Variants in GALNT18 observed in about 807,000 individuals in gnomAD.
GALNT18 encodes the protein GalNAc-transferase 18.
Under a neutral mutation model 69.5 loss-of-function variants are expected in GALNT18, and 44 were observed. The observed-to-expected ratio is 0.63, with a 90% CI of 0.50 to 0.81. GALNT18 has a LOEUF of 0.81. Ranked by LOEUF, GALNT18 falls within the 40% of genes least tolerant of loss-of-function variation. The pLI is 0.00. For synonymous variants in GALNT18, 364 were observed against 318.2 expected, an observed-to-expected ratio of 1.14 and a Z score of -1.53; for missense variants, 715 against 810.0, an observed-to-expected ratio of 0.88 and a Z score of 1.42.
chr11:11,556,221 C>T (rs993270790), intron 1 of GALNT18, among the ~76,000 whole-genome samples: 2 of 152,226 alleles, frequency 1.3e-5, no homozygotes, highest in East Asian at 1.9e-4. Flanking sequence ...CAAACTCTAT[C>T]GCTTGATTAA....
chr11:11,565,928 C>T (rs1238063395), intron 1 of GALNT18, among the ~76,000 whole-genome samples: 3 of 152,144 alleles, frequency 2.0e-5, no homozygotes, highest in South Asian at 2.1e-4. Context: ...CAAAGGAAAC[C>T]GCAGGAACAA....
chr11:11,594,923 G>GTA lies in GALNT18; in HGVS notation c.235+26434_235+26435dup, dbSNP rs1197152383. Among the ~76,000 whole-genome samples, 64 of 121,014 alleles carry GTA rather than the reference G, an allele frequency of 5.3e-4. 1 individual carries two copies. Among genetic ancestry groups the GTA allele is most frequent in the Middle Eastern group, 5.5e-3 (1 of 182 alleles). The allele number at this position is 121,014 out of a possible 152,430, so 79.4% of individuals were successfully genotyped here. A position where few individuals can be genotyped will look rare whatever the true frequency, so the allele number is the denominator to read the frequency against. On this transcript the variant is annotated intron_variant, in intron 1 of 10. Transcript: ENST00000227756. ...ACACAGATACAAAATATGCGTGTGT[G>GTA]TATATATATATATAATCTCCAAGAA...
rs562968760 is a variant in GALNT18 at position 11,337,176 on chromosome 11, C to T, written c.1278+3643G>A. Among the ~76,000 whole-genome samples the T allele has an allele frequency of 2.4e-4, 37 of 152,222 alleles. 1 individual carries two copies. The South Asian group carries it at 5.8e-3, about 24-fold the overall frequency. ...AGTATTTTTTTAAAAGTTCTTCAAGCGATTCTGATGCAGTTGGTCTGAAGA... is the reference window on the plus strand; with the variant it reads ...AGTATTTTTTTAAAAGTTCTTCAAGTGATTCTGATGCAGTTGGTCTGAAGA... On this transcript the variant is annotated intron_variant, in intron 7 of 10. Coordinates refer to ENST00000227756, the MANE Select transcript of GALNT18 (RefSeq NM_198516.3). This position sits in a 1 kb window ranked among gnomAD's most constrained non-coding sequence, Gnocchi z 4.9.
chr11:11,534,795 T>C, intron 1 of GALNT18, among the ~76,000 whole-genome samples: 1 of 152,366 alleles, frequency 6.6e-6, no homozygotes, highest in African/African-American at 2.4e-5. Flanking sequence ...CAGACACAAA[T>C]TTCTCCTGCC....
chr11:11,432,828 G>GT lies in GALNT18; in HGVS notation c.429-42_429-41insA. 6.3e-7 allele frequency: 1 copy of GT among 1,592,630 alleles called. No homozygotes were observed. On this transcript the variant is annotated intron_variant, in intron 2 of 10. Coordinates refer to ENST00000227756, the MANE Select transcript of GALNT18 (RefSeq NM_198516.3). This position sits in a 1 kb window ranked among gnomAD's most constrained non-coding sequence, Gnocchi z 5.8. The stretch of plus-strand genomic sequence containing the variant: ...AAGCGCTTAGATTTGTGACTCAGCT[G>GT]GAGTCATCTCAGGAGCTGACCCAGC...
In GALNT18 at chr11:11,315,030, C is replaced by T. The variant is rs1032530265; in HGVS notation, c.1512+12056G>A. Among the ~76,000 whole-genome samples the T allele has an allele frequency of 7.3e-6, 1 of 137,722 alleles. No homozygotes were observed. Among genetic ancestry groups the T allele is most frequent in the African/African-American group, 2.7e-5 (1 of 36,622 alleles). 90.4% of individuals were successfully genotyped at this position (137,722 alleles called of 152,430 possible). On this transcript the variant is annotated intron_variant, in intron 9 of 10. Coordinates refer to ENST00000227756, the MANE Select transcript of GALNT18 (RefSeq NM_198516.3). This position sits in a 1 kb window ranked among gnomAD's most constrained non-coding sequence, Gnocchi z 5.6. ...AGTGTCTAGCAGAGATGGACACATA[C>T]TAATTATATGTGTGTGTGTGTGTGT... is the stretch of plus-strand genomic sequence containing the variant.
chr11:11,456,470 C>T (rs140528661), intron 1 of GALNT18, among the ~76,000 whole-genome samples: 7 of 152,250 alleles, frequency 4.6e-5, no homozygotes, highest in African/African-American at 9.6e-5. Flanking sequence ...AAACAGCTGC[C>T]GCCTAAAATA....
chr11:11,520,615 C>T (rs372384515), intron 1 of GALNT18, among the ~76,000 whole-genome samples: 10 of 152,166 alleles, frequency 6.6e-5, no homozygotes, highest in South Asian at 2.1e-4. Flanking sequence ...GGCAGCAGGA[C>T]GCTGAGTAGG....
At chr11:11,504,497 G>A (rs1392480551) in intron 1 of GALNT18, among the ~76,000 whole-genome samples, 1 of 152,074 alleles carries the variant, frequency 6.6e-6, no homozygotes, top group East Asian at 1.9e-4. Flanking sequence ...TGGCTCATGT[G>A]TGTAATCCCT....
chr11:11,552,658 A>C (rs554829318), intron 1 of GALNT18, among the ~76,000 whole-genome samples: 53 of 152,288 alleles, frequency 3.5e-4, no homozygotes, highest in Non-Finnish European at 6.8e-4. Context: ...GCTCAACAGC[A>C]GGGGCATACT....
At chr11:11,300,755 A>T (rs944315096) in intron 9 of GALNT18, among the ~76,000 whole-genome samples, 3 of 152,182 alleles carry the variant, frequency 2.0e-5, no homozygotes, top group Non-Finnish European at 4.4e-5. Flanking sequence ...CAATCAAGCT[A>T]AGGCAGGGGT....
At chr11:11,317,756 T>G (rs1849781939) in intron 9 of GALNT18, among the ~76,000 whole-genome samples, 1 of 152,226 alleles carries the variant, frequency 6.6e-6, no homozygotes, top group Admixed American at 6.5e-5. Flanking sequence ...CAATTTTTGT[T>G]TTTTATTGCC....
rs376616600 is a variant in GALNT18, at chr11:11,286,084, C to CT, written c.1677+6944dup. Among the ~76,000 whole-genome samples, 94 of 152,228 alleles carry CT rather than the reference C, an allele frequency of 6.2e-4. 2 individuals are homozygous for CT. The East Asian group carries it at 0.017, about 27-fold the overall frequency. ...CTGAGAATGAAGCAAGCACAGGGGG[C>CT]TGGGGTGTGGTGTCTGCCCTGCATA... is the stretch of plus-strand genomic sequence containing the variant. On this transcript the variant is annotated intron_variant, in intron 10 of 10. Transcript: ENST00000227756.
intron 1 of GALNT18, among the ~76,000 whole-genome samples, chr11:11,570,825 G>C (rs1431618466): frequency 6.6e-6 from 1 of 152,220 alleles, no homozygotes; most frequent in Non-Finnish European, 1.5e-5. Context: ...TCAGCACACT[G>C]TTGAACAATG....
rs779095560 is a variant in GALNT18, at chr11:11,469,402, T to G, written c.236-20466A>C. 3.3e-5 allele frequency among the ~76,000 whole-genome samples: 5 copies of G among 152,162 alleles called. No individual in the cohort carries two copies. Among genetic ancestry groups the G allele is most frequent in the Non-Finnish European group, 5.9e-5 (4 of 68,028 alleles). ...CGTCAAGTTTGTTGTTATGGCTATG[T>G]CTTTTACAGGGTCCAGTACAGATCT... On this transcript the variant is annotated intron_variant, in intron 1 of 10. Coordinates refer to ENST00000227756, the MANE Select transcript of GALNT18 (RefSeq NM_198516.3). The surrounding 1 kb of genome is among the most constrained non-coding windows in gnomAD (Gnocchi z 4.2).
chr11:11,332,851 C>G lies in GALNT18; in HGVS notation c.1279-20G>C, dbSNP rs761381320. ...TGAGTCCTGCACAGGGACGCAGAAG[C>G]AGAGATGAAGCCACTCCCAGGTTGC... On this transcript the variant is annotated intron_variant, in intron 7 of 10. Transcript: ENST00000227756. This position sits in a 1 kb window ranked among gnomAD's most constrained non-coding sequence, Gnocchi z 4.3. The G allele has an allele frequency of 6.2e-7, 1 of 1,609,654 alleles. No homozygotes were observed. Among genetic ancestry groups the G allele is most frequent in the South Asian group, 1.1e-5 (1 of 91,002 alleles).
At chr11:11,312,861 G>C (rs950765247) in intron 9 of GALNT18, among the ~76,000 whole-genome samples, 10 of 152,312 alleles carry the variant, frequency 6.6e-5, no homozygotes, top group African/African-American at 2.4e-4. Context: ...CCCTGTGCCA[G>C]GCGGTGCACT....
chr11:11,276,261 T>A (rs919276121), intron 10 of GALNT18, among the ~76,000 whole-genome samples: 1 of 152,236 alleles, frequency 6.6e-6, no homozygotes, highest in Non-Finnish European at 1.5e-5. Context: ...CCTTGTAAGT[T>A]GGATTCCTAG....
intron 6 of GALNT18, among the ~76,000 whole-genome samples, chr11:11,344,990 T>C (rs935346637): frequency 6.6e-6 from 1 of 152,196 alleles, no homozygotes; most frequent in African/African-American, 2.4e-5. Flanking sequence ...TATTATTTCA[T>C]AATAATTTAA....
Sources: allele counts gnomAD v4.1 joint callset (sites outside exome capture counted in the v4.1 genomes callset), GRCh38; gene constraint gnomAD v4.1.1; non-coding constraint Gnocchi (gnomAD v3.1); transcripts MANE v1.5; gene names NCBI Gene and HGNC (gene_info 2026-07-23, HGNC 2026-07-21).